Variants in NRXN1 observed in about 807,000 individuals in gnomAD.
The protein encoded by NRXN1 is neurexin 1.
Under a neutral mutation model 150.9 loss-of-function variants are expected in NRXN1, and 39 were observed. That is an observed-to-expected ratio of 0.26 (90% CI 0.20 to 0.34). The LOEUF (loss-of-function observed/expected upper bound fraction) is 0.34. Ranked by LOEUF, NRXN1 falls within the 10% of genes least tolerant of loss-of-function variation. The pLI is 1.00. For missense variants in NRXN1, 1,815 were observed against 1,949.9 expected (o/e 0.93, Z 1.30); for synonymous variants, 924 against 757.0 (o/e 1.22, Z -3.62).
At chr2:50,218,985 G>T (rs1038099487) in intron 18 of NRXN1, among the ~76,000 whole-genome samples, 1 of 151,774 alleles carries the variant, frequency 6.6e-6, no homozygotes, top group Non-Finnish European at 1.5e-5. Flanking sequence ...ATTGCCAATG[G>T]ATTTAAATGT....
chr2:49,930,601 A>T (rs1669962493), intron 22 of NRXN1, among the ~76,000 whole-genome samples: 1 of 152,218 alleles, frequency 6.6e-6, no homozygotes. Flanking sequence ...CATTAATTCT[A>T]TACTATTGTA....
chr2:50,819,407 A>T (rs939595474), intron 5 of NRXN1, among the ~76,000 whole-genome samples: 2 of 152,158 alleles, frequency 1.3e-5, no homozygotes, highest in Non-Finnish European at 2.9e-5. Flanking sequence ...ATATCATGCT[A>T]AGTGAAAGAA....
intron 17 of NRXN1, among the ~76,000 whole-genome samples, chr2:50,395,883 C>G (rs545891972): frequency 8.4e-4 from 127 of 152,012 alleles, no homozygotes; most frequent in African/African-American, 3.0e-3. Flanking sequence ...CTGCCACTAG[C>G]AGGACTCAAG....
At chr2:50,329,687 C>T (rs1386195225) in intron 17 of NRXN1, among the ~76,000 whole-genome samples, 1 of 112,104 alleles carries the variant, frequency 8.9e-6, no homozygotes, top group African/African-American at 3.3e-5. Context: ...TTTTTTTTCC[C>T]CCCCGAGACG....
At chr2:50,214,736 A>C (rs1180275719) in intron 18 of NRXN1, among the ~76,000 whole-genome samples, 1 of 151,956 alleles carries the variant, frequency 6.6e-6, no homozygotes, top group Non-Finnish European at 1.5e-5. Flanking sequence ...TTATTTTTTA[A>C]GTGACTATAA....
At chr2:50,932,139 G>A (rs559256022) in intron 2 of NRXN1, among the ~76,000 whole-genome samples, 6 of 152,242 alleles carry the variant, frequency 3.9e-5, no homozygotes, top group African/African-American at 1.4e-4. Flanking sequence ...TGTAATCCCA[G>A]TACTTTGGGA....
chr2:49,922,265 G>T lies in NRXN1; in HGVS notation c.4217-14C>A, dbSNP rs201973228. On this transcript the variant is annotated splice_polypyrimidine_tract_variant and intron_variant, in intron 22 of 22. Coordinates refer to ENST00000401669, the MANE Select transcript of NRXN1 (RefSeq NM_001330078.2). ...GGGTTGGGTTGGCTATAGAAAAGAG[G>T]ATGAGAACAAACACAAAGTGATCAT... 5 of 1,608,638 alleles carry T rather than the reference G, an allele frequency of 3.1e-6. No homozygotes were observed. The highest frequency in any genetic ancestry group is 4.2e-6 in the Non-Finnish European group (5 of 1,176,922).
rs554859584 is a variant in NRXN1, at chr2:50,188,028, G to A, written c.3546+48761C>T. Among the ~76,000 whole-genome samples, 141 of 152,190 alleles carry A rather than the reference G, an allele frequency of 9.3e-4. 1 individual carries two copies. Among genetic ancestry groups the A allele is most frequent in the African/African-American group, 3.3e-3 (138 of 41,538 alleles). On this transcript the variant is annotated intron_variant, in intron 18 of 22. Transcript: ENST00000401669. ...TACAAACATGTCATCTGCAAACAGA[G>A]AAAATTTGACTTCCTCTCTTCCTAT...
chr2:50,009,572 T>TA (rs1332340002), intron 21 of NRXN1, among the ~76,000 whole-genome samples: 1 of 152,156 alleles, frequency 6.6e-6, no homozygotes, highest in African/African-American at 2.4e-5. Context: ...TCAAGATTTT[T>TA]ATGCCTGCAT....
intron 5 of NRXN1, among the ~76,000 whole-genome samples, chr2:50,860,206 T>C (rs1447858385): frequency 6.6e-6 from 1 of 151,788 alleles, no homozygotes; most frequent in African/African-American, 2.4e-5. Context: ...GTTGCTTTGT[T>C]GATAAAAGGA....
chr2:50,600,534 A>T (rs887691542), intron 8 of NRXN1, among the ~76,000 whole-genome samples: 1 of 152,134 alleles, frequency 6.6e-6, no homozygotes, highest in Non-Finnish European at 1.5e-5. Context: ...CATGTTGACC[A>T]GGCTGGTCTC....
intron 17 of NRXN1, among the ~76,000 whole-genome samples, chr2:50,243,107 G>T (rs2066172814): frequency 6.6e-6 from 1 of 151,756 alleles, no homozygotes; most frequent in South Asian, 2.1e-4. Flanking sequence ...CTGTTGCACA[G>T]TAGGGTGACT....
intron 21 of NRXN1, among the ~76,000 whole-genome samples, chr2:50,041,837 C>T (rs1297637287): frequency 6.6e-6 from 1 of 152,156 alleles, no homozygotes; most frequent in African/African-American, 2.4e-5. Flanking sequence ...TGGTACGGCA[C>T]TATAACCCAA....
At chr2:50,692,135 T>C (rs1692173822) in intron 5 of NRXN1, among the ~76,000 whole-genome samples, 1 of 152,244 alleles carries the variant, frequency 6.6e-6, no homozygotes, top group South Asian at 2.1e-4. Context: ...ATTTTCCAAG[T>C]AAGCCTAGTT....
intron 5 of NRXN1, among the ~76,000 whole-genome samples, chr2:50,706,439 C>A (rs1166286990): frequency 1.3e-5 from 2 of 152,032 alleles, no homozygotes; most frequent in Non-Finnish European, 2.9e-5. Context: ...AGTAAATAAC[C>A]TGAGCTTATT....
intron 17 of NRXN1, among the ~76,000 whole-genome samples, chr2:50,372,025 C>A (rs17040490): frequency 3.9e-5 from 6 of 151,998 alleles, no homozygotes; most frequent in Admixed American, 2.0e-4. Flanking sequence ...AAGTACTACC[C>A]TTTGCAGCCA....
intron 2 of NRXN1, among the ~76,000 whole-genome samples, chr2:50,973,019 CA>C (rs1558515148): frequency 1.3e-5 from 2 of 152,176 alleles, no homozygotes; most frequent in Non-Finnish European, 1.5e-5. Flanking sequence ...TTCCACATGG[CA>C]ATCTGTACTG....
At chr2:50,547,509 A>C (rs961922535) in intron 9 of NRXN1, 1 of 152,160 alleles carries the variant, frequency 6.6e-6, no homozygotes, top group Non-Finnish European at 1.5e-5. Context: ...ACCAGAGAAG[A>C]GGCAAAGGGG....
Position 50,495,790 on chromosome 2 carries a change from G to T in NRXN1, c.3070+115C>A, listed in dbSNP as rs2241175. On this transcript the variant is annotated intron_variant, in intron 15 of 22. Transcript: ENST00000401669. The stretch of plus-strand genomic sequence containing the variant: ...GTATTGTTAATTATGTGCTGAAAAT[G>T]AAATTCTGGTCAGTCTTTGCAGAAG... 0.13 allele frequency: 96,556 copies of T among 771,030 alleles called. 9,491 individuals are homozygous for T. The highest frequency in any genetic ancestry group is 0.37 in the African/African-American group (21,170 of 56,710). 47.8% of individuals were successfully genotyped at this position (771,030 alleles called of 1,614,324 possible).
Sources: gnomAD v4.1 joint callset for allele counts (sites outside exome capture counted in the v4.1 genomes callset) on GRCh38, gnomAD v4.1.1 for gene constraint, MANE v1.5 for transcripts, NCBI Gene and HGNC (gene_info 2026-07-23, HGNC 2026-07-21) for gene names.